The following CACNA1B variants were observed in gnomAD, a reference collection of about 807,000 sequenced individuals.
The protein encoded by CACNA1B is calcium voltage-gated channel subunit alpha1 B, also known as voltage-dependent N-type calcium channel subunit alpha-1B.
A neutral mutation model predicts 247.2 loss-of-function variants in CACNA1B; 70 were observed. That is an observed-to-expected ratio of 0.28 (90% CI 0.23 to 0.35). CACNA1B has a LOEUF of 0.35. Among genes scored for constraint, CACNA1B ranks in the 10% least tolerant of loss-of-function variants. The pLI is 1.00. For synonymous variants in CACNA1B, 1,231 were observed against 1,294.4 expected, an observed-to-expected ratio of 0.95 and a Z score of 1.05; for missense variants, 2,367 against 3,197.4, an observed-to-expected ratio of 0.74 and a Z score of 6.26.
chr9:138,061,748 G>C (rs1035362388), intron 31 of CACNA1B, among the ~76,000 whole-genome samples: 1 of 152,240 alleles, frequency 6.6e-6, no homozygotes, highest in African/African-American at 2.4e-5. Context: ...GTGGATCCCA[G>C]ATGAGACAAA....
At chr9:138,081,029 G>T (rs1960507952) in intron 36 of CACNA1B, among the ~76,000 whole-genome samples, 1 of 152,212 alleles carries the variant, frequency 6.6e-6, no homozygotes, top group South Asian at 2.1e-4. Flanking sequence ...CAGCAGGGAG[G>T]GTGGGCTTTT....
chr9:137,894,651 G>A (rs953627452), intron 3 of CACNA1B, among the ~76,000 whole-genome samples: 136 of 152,086 alleles, frequency 8.9e-4, no homozygotes, highest in African/African-American at 2.0e-3. Flanking sequence ...CTCGTGATCC[G>A]CCCACCTCGG....
At chr9:138,032,316 T>C (rs561402894) in intron 20 of CACNA1B, among the ~76,000 whole-genome samples, 3 of 152,280 alleles carry the variant, frequency 2.0e-5, no homozygotes, top group Non-Finnish European at 4.4e-5. Flanking sequence ...TCCTCTTCCA[T>C]TTGTAATGTA....
In CACNA1B at chr9:138,047,044, C is replaced by T. The variant is rs374349067; in HGVS notation, c.3543+11C>T. 3.3e-5 allele frequency: 53 copies of T among 1,600,026 alleles called. No homozygotes were observed. Among genetic ancestry groups the T allele is most frequent in the African/African-American group, 3.1e-4 (23 of 74,658 alleles). ...TCGCCCAGGAACAACGTGAGTGGCC[C>T]GGATGGCCGGGTCCCCGCCAGGCTG... On this transcript the variant is annotated intron_variant, in intron 22 of 46. Coordinates refer to ENST00000371372, the MANE Select transcript of CACNA1B (RefSeq NM_000718.4).
chr9:138,005,449 A>G (rs1408293012), intron 15 of CACNA1B, among the ~76,000 whole-genome samples: 1 of 152,212 alleles, frequency 6.6e-6, no homozygotes, highest in Admixed American at 6.5e-5. Flanking sequence ...TGGCTACCAG[A>G]AGGTGGGAAG....
At position 137,957,101 on chromosome 9, in the gene CACNA1B, G is replaced by A. The variant is rs1367422797; in HGVS notation, c.1243+274G>A. Among the ~76,000 whole-genome samples, 1 of 152,164 alleles carries A rather than the reference G, an allele frequency of 6.6e-6. No individual in the cohort carries two copies. Among genetic ancestry groups the A allele is most frequent in the Non-Finnish European group, 1.5e-5 (1 of 68,008 alleles). The stretch of plus-strand genomic sequence containing the variant: ...TGGGAGGGCTCATGGCACAACCTGG[G>A]GCCATGAGAGGGAGCCCGGGCCCCA... On this transcript the variant is annotated intron_variant, in intron 9 of 46. Transcript: ENST00000371372. This position sits in a 1 kb window ranked among gnomAD's most constrained non-coding sequence, Gnocchi z 4.7.
At position 137,955,610 on chromosome 9, in the gene CACNA1B, G is replaced by A; in HGVS notation, c.1071-88G>A. The A allele has an allele frequency of 1.1e-6, 1 of 880,846 alleles. No homozygotes were observed. The highest frequency in any genetic ancestry group is 1.6e-5 in the South Asian group (1 of 62,586). The allele number at this position is 880,846 out of a possible 1,614,324, so 54.6% of individuals were successfully genotyped here. A position where few individuals can be genotyped will look rare whatever the true frequency, so the allele number is the denominator to read the frequency against. ...CTGCAGCCTGCGTCTCCTGTCCCAG[G>A]CTTTCCCTGGTCCTTTTTGTCTCTG... On this transcript the variant is annotated intron_variant, in intron 7 of 46. Coordinates refer to ENST00000371372, the MANE Select transcript of CACNA1B (RefSeq NM_000718.4). This position sits in a 1 kb window ranked among gnomAD's most constrained non-coding sequence, Gnocchi z 6.9.
intron 35 of CACNA1B, among the ~76,000 whole-genome samples, chr9:138,077,272 A>T (rs961272582): frequency 2.0e-5 from 3 of 152,076 alleles, no homozygotes; most frequent in Admixed American, 6.5e-5. Context: ...ACCCACTTGT[A>T]CCCTGCAAGC....
Position 138,057,123 on chromosome 9 carries a change from G to C in CACNA1B, c.3969-609G>C, listed in dbSNP as rs1959536169. On this transcript the variant is annotated intron_variant, in intron 26 of 46. Coordinates refer to ENST00000371372, the MANE Select transcript of CACNA1B (RefSeq NM_000718.4). This position sits in a 1 kb window ranked among gnomAD's most constrained non-coding sequence, Gnocchi z 4.0. ...GCTAATTATTTTTGTATTTTTAGTA[G>C]AGACGGGGGTTCACCATGTTAGCCA... Among the ~76,000 whole-genome samples the C allele has an allele frequency of 6.6e-6, 1 of 151,904 alleles. No homozygotes were observed. Among genetic ancestry groups the C allele is most frequent in the African/African-American group, 2.4e-5 (1 of 41,348 alleles).
rs952363817 is a variant in CACNA1B, at chr9:138,011,950, C to T, written c.2161-1179C>T. On this transcript the variant is annotated intron_variant, in intron 17 of 46. Transcript: ENST00000371372. The surrounding 1 kb of genome is among the most constrained non-coding windows in gnomAD (Gnocchi z 4.2). ...CAGTCCAGATGGACAACGTGGAAGT[C>T]GTAGCTTCCATTCTGAGGCCTGTGG... 5.3e-5 allele frequency among the ~76,000 whole-genome samples: 8 copies of T among 152,180 alleles called. No individual in the cohort carries two copies. Among genetic ancestry groups the T allele is most frequent in the African/African-American group, 1.7e-4 (7 of 41,446 alleles).
At chr9:138,029,393 CT>C (rs1304016475) in intron 20 of CACNA1B, among the ~76,000 whole-genome samples, 3 of 152,088 alleles carry the variant, frequency 2.0e-5, no homozygotes, top group Non-Finnish European at 2.9e-5. Context: ...TGTAATACCC[CT>C]TTTTTTGTAT....
At position 138,073,220 on chromosome 9, in the gene CACNA1B, G is replaced by A. The variant is rs551861626; in HGVS notation, c.4675-268G>A. ...GAGAACTTTTCTTTCTGTTGCTCACGGTTGGGGGTGGGGAGGGGCCTTAGA... is the reference window on the plus strand; with the variant it reads ...GAGAACTTTTCTTTCTGTTGCTCACAGTTGGGGGTGGGGAGGGGCCTTAGA... On this transcript the variant is annotated intron_variant, in intron 32 of 46. Transcript: ENST00000371372. This position sits in a 1 kb window ranked among gnomAD's most constrained non-coding sequence, Gnocchi z 6.4. Among the ~76,000 whole-genome samples, 10 of 152,318 alleles carry A rather than the reference G, an allele frequency of 6.6e-5. No homozygotes were observed. Among genetic ancestry groups the A allele is most frequent in the African/African-American group, 9.6e-5 (4 of 41,566 alleles).
intron 36 of CACNA1B, 141 bp downstream of exon 36, chr9:138,078,399 C>A: frequency 1.3e-6 from 1 of 796,088 alleles, no homozygotes; most frequent in Non-Finnish European, 2.0e-6. Flanking sequence ...CCTTGTTTCC[C>A]CAGAGATGGC....
At position 138,023,417 on chromosome 9, in the gene CACNA1B, C is replaced by A. The variant is rs1395077683; in HGVS notation, c.2674C>A (p.His892Asn). The change falls in exon 19 of 47, where the codon CAC (histidine) becomes AAC (asparagine). Residue 892 changes from histidine to asparagine, a missense_variant. His to Asn is a moderately conservative substitution (Grantham distance 68). Coordinates refer to ENST00000371372, the MANE Select transcript of CACNA1B (RefSeq NM_000718.4). ...REERPRPHRSHSKEAAGPPEA... is the reference protein window; with the variant it reads ...REERPRPHRSNSKEAAGPPEA... ...GGAGCGGCCGCGGCCGCACCGCAGC[C>A]ACAGCAAGGAGGCCGCGGGGCCCCC... The A allele has an allele frequency of 7.6e-7, 1 of 1,317,102 alleles. No homozygotes were observed. Among genetic ancestry groups the A allele is most frequent in the East Asian group, 3.1e-5 (1 of 31,794 alleles). The allele number at this position is 1,317,102 out of a possible 1,614,324, so 81.6% of individuals were successfully genotyped here.
chr9:137,990,020 A>G lies in CACNA1B; in HGVS notation c.1974+3166A>G, dbSNP rs899357205. Among the ~76,000 whole-genome samples, 2 of 152,148 alleles carry G rather than the reference A, an allele frequency of 1.3e-5. No homozygotes were observed. Among genetic ancestry groups the G allele is most frequent in the Admixed American group, 1.3e-4 (2 of 15,290 alleles). ...GACTCACATCATGAACTTTTGCTCC[A>G]AGAACTACCACGGGAAGTTCTTGGA... is the stretch of plus-strand genomic sequence containing the variant. On this transcript the variant is annotated intron_variant, in intron 15 of 46. Coordinates refer to ENST00000371372, the MANE Select transcript of CACNA1B (RefSeq NM_000718.4). This position sits in a 1 kb window ranked among gnomAD's most constrained non-coding sequence, Gnocchi z 4.5.
At chr9:137,930,578 T>C (rs1957597057) in intron 6 of CACNA1B, among the ~76,000 whole-genome samples, 6 of 152,260 alleles carry the variant, frequency 3.9e-5, no homozygotes. Flanking sequence ...TGTTGTGTGC[T>C]GCATGTACAG....
At chr9:138,086,454 G>A (rs551216380) in intron 36 of CACNA1B, among the ~76,000 whole-genome samples, 1 of 151,220 alleles carries the variant, frequency 6.6e-6, no homozygotes, top group East Asian at 2.0e-4. Flanking sequence ...GAGTCCAGGA[G>A]TTCAAGGTGG....
intron 23 of CACNA1B, among the ~76,000 whole-genome samples, chr9:138,048,180 A>G (rs753286892): frequency 1.9e-4 from 29 of 152,212 alleles, no homozygotes; most frequent in Non-Finnish European, 4.0e-4. Flanking sequence ...GGTGTGTGTC[A>G]TCATCCCCAT....
intron 36 of CACNA1B, among the ~76,000 whole-genome samples, chr9:138,091,327 T>A (rs971541983): frequency 6.6e-6 from 1 of 151,286 alleles, no homozygotes; most frequent in African/African-American, 2.4e-5. Context: ...ATGTGGAAGC[T>A]AAAAAAAAAT....
Sources: allele counts gnomAD v4.1 joint callset (sites outside exome capture counted in the v4.1 genomes callset), GRCh38; gene constraint gnomAD v4.1.1; non-coding constraint Gnocchi (gnomAD v3.1); transcripts MANE v1.5; gene names NCBI Gene and HGNC (gene_info 2026-07-23, HGNC 2026-07-21).